Variants in PP2D1 observed in about 807,000 individuals in gnomAD.
The protein encoded by PP2D1 is protein phosphatase 2C like domain containing 1.
In PP2D1, 25 loss-of-function variants were observed where a neutral mutation model predicts 30.2. The ratio of observed to expected loss-of-function variants is 0.83; its 90% CI spans 0.60 to 1.16. The LOEUF (loss-of-function observed/expected upper bound fraction) is 1.16. Ranked by LOEUF, PP2D1 falls within the 50% of genes most tolerant of loss-of-function variation. The probability of loss-of-function intolerance (pLI) is 0.00; values close to 1 mark genes in which losing one functional copy is unlikely to be tolerated. For missense variants in PP2D1, 760 were observed against 742.4 expected (o/e 1.02, Z -0.28); for synonymous variants, 260 against 258.9 (o/e 1.00, Z -0.04).
chr3:19,981,387 T>C (rs148644386), downstream of PP2D1, among the ~76,000 whole-genome samples: 1 of 152,042 alleles, frequency 6.6e-6, no homozygotes, highest in African/African-American at 2.4e-5. Context: ...AGGCGGGCTA[T>C]CACCTGAGGT....
At chr3:20,005,231 C>CA in intron 1 of PP2D1, among the ~76,000 whole-genome samples, 1 of 152,146 alleles carries the variant, frequency 6.6e-6, no homozygotes, top group East Asian at 1.9e-4. Context: ...CGGCTCACCG[C>CA]AACCTCCACC....
At chr3:20,008,635 T>G (rs1348885549) in intron 1 of PP2D1, among the ~76,000 whole-genome samples, 1 of 151,974 alleles carries the variant, frequency 6.6e-6, no homozygotes, top group Non-Finnish European at 1.5e-5. Flanking sequence ...ACCTGTAATC[T>G]CAGCTACTCA....
intron 1 of PP2D1, 99 bp downstream of exon 1, chr3:20,011,951 G>A (rs1697393065): frequency 2.2e-6 from 2 of 915,836 alleles, no homozygotes; most frequent in Admixed American, 2.2e-5. Context: ...GGAAGCCAAG[G>A]TTTCATCTGA....
chr3:19,993,416 A>G (rs1408461814), intron 2 of PP2D1, among the ~76,000 whole-genome samples: 4 of 152,182 alleles, frequency 2.6e-5, no homozygotes, highest in African/African-American at 9.6e-5. Flanking sequence ...ACCTGAGACC[A>G]TGTATTGAGC....
chr3:19,988,255 C>T (rs1239395714), intron 2 of PP2D1, among the ~76,000 whole-genome samples: 1 of 152,154 alleles, frequency 6.6e-6, no homozygotes, highest in East Asian at 1.9e-4. Flanking sequence ...AAATACCGCT[C>T]AATTCTTTTT....
Position 20,003,542 on chromosome 3 carries a change from AG to A in PP2D1, c.24-1447del, listed in dbSNP as rs771150727. Among the ~76,000 whole-genome samples the A allele has an allele frequency of 2.6e-5, 4 of 152,152 alleles. No homozygotes were observed. In the East Asian group the frequency reaches 7.7e-4, roughly 29 times the overall value. On this transcript the variant is annotated intron_variant, in intron 1 of 2. Coordinates refer to ENST00000389050, the MANE Select transcript of PP2D1 (RefSeq NM_001252657.2). ...TGGATCACCTGAGGTCAGGAGTTCG[AG>A]ACCAGCCTGGCCAACATGGTGAAAC...
intron 2 of PP2D1, among the ~76,000 whole-genome samples, chr3:19,993,815 CT>C (rs1047231045): frequency 3.9e-5 from 6 of 152,170 alleles, no homozygotes; most frequent in African/African-American, 1.4e-4. Context: ...TCTCAGCTCA[CT>C]GCAACCTCTA....
Position 20,012,202 on chromosome 3 carries a change from G to T in PP2D1, c.-130C>A. 1.4e-6 allele frequency: 1 copy of T among 721,600 alleles called. No homozygotes were observed. Among genetic ancestry groups the T allele is most frequent in the Non-Finnish European group, 2.3e-6 (1 of 432,964 alleles). The allele number at this position is 721,600 out of a possible 1,614,324, so 44.7% of individuals were successfully genotyped here. The stretch of plus-strand genomic sequence containing the variant: ...TGATGGCTGTGGCAGAAGTAGTGGT[G>T]ATGGTGATGATAGCGATGGTGGGCA... On this transcript the variant is annotated 5_prime_UTR_variant, in exon 1 of 3. Coordinates refer to ENST00000389050, the MANE Select transcript of PP2D1 (RefSeq NM_001252657.2).
intron 1 of PP2D1, among the ~76,000 whole-genome samples, chr3:20,003,537 G>C (rs1476841305): frequency 1.3e-5 from 2 of 152,038 alleles, no homozygotes; most frequent in Non-Finnish European, 2.9e-5. Flanking sequence ...GAGGTCAGGA[G>C]TTCGAGACCA....
chr3:19,984,269 T>C, downstream of PP2D1: 1 of 430,832 alleles, frequency 2.3e-6, no homozygotes, highest in African/African-American at 2.1e-5. Flanking sequence ...GCCATAGTAT[T>C]CAGGCAAATG....
intron 1 of PP2D1, among the ~76,000 whole-genome samples, chr3:20,003,203 A>AG (rs1215387767): frequency 6.6e-6 from 1 of 151,986 alleles, no homozygotes; most frequent in Non-Finnish European, 1.5e-5. Flanking sequence ...TAAAAAAAAA[A>AG]TTAACTGTAA....
chr3:19,999,530 T>A (rs1329918755), intron 2 of PP2D1, among the ~76,000 whole-genome samples: 1 of 149,230 alleles, frequency 6.7e-6, no homozygotes, highest in Non-Finnish European at 1.5e-5. Flanking sequence ...TACAGGCACC[T>A]GCCACGCCTG....
intron 2 of PP2D1, among the ~76,000 whole-genome samples, chr3:19,988,983 CA>C (rs555027344): frequency 6.7e-6 from 1 of 148,258 alleles, no homozygotes; most frequent in African/African-American, 2.5e-5. Context: ...AAGACTCTCT[CA>C]AAAAAAAACA....
chr3:19,985,412 G>C lies in PP2D1; in HGVS notation c.1861C>G (p.Leu621Val). ...RDNITVMVIF[L>V]NGSEYQLLT is the part of the protein sequence containing the mutation. The stretch of plus-strand genomic sequence containing the variant: ...AGAAGCTGATATTCACTTCCATTGA[G>C]AAATATTACCATAACTGTAATGTTG... Residue 621 changes from leucine to valine, a missense_variant, in exon 3 of 3, where the codon CTC becomes GTC. Physicochemically the swap from Leu to Val is conservative, Grantham distance 32. Transcript: ENST00000389050. 4 of 1,533,430 alleles carry C rather than the reference G, an allele frequency of 2.6e-6. No individual in the cohort carries two copies. The highest frequency in any genetic ancestry group is 1.7e-4 in the Middle Eastern group (1 of 5,976). The allele number at this position is 1,533,430 out of a possible 1,614,324, so 95.0% of individuals were successfully genotyped here.
rs1183114778 is a variant in PP2D1, at chr3:20,008,566, TCAAAA to T, written c.23+3479_23+3483del. Among the ~76,000 whole-genome samples the T allele has an allele frequency of 2.6e-5, 4 of 151,998 alleles. No homozygotes were observed. In the South Asian group the frequency reaches 8.3e-4, roughly 32 times the overall value. ...CGGGCAACAAGAGTGAAACTCTGTC[TCAAAA>T]CAAACAAGACAACCAAACAAAAAAA... On this transcript the variant is annotated intron_variant, in intron 1 of 2. Coordinates refer to ENST00000389050, the MANE Select transcript of PP2D1 (RefSeq NM_001252657.2).
chr3:19,980,301 A>T (rs551322067), intron 3 of PP2D1: 3 of 152,220 alleles, frequency 2.0e-5, no homozygotes, highest in Non-Finnish European at 4.4e-5. Context: ...AAACATGCTA[A>T]TAAAGTCATT....
At chr3:19,993,705 A>G (rs1211636602) in intron 2 of PP2D1, among the ~76,000 whole-genome samples, 1 of 151,918 alleles carries the variant, frequency 6.6e-6, no homozygotes, top group Non-Finnish European at 1.5e-5. Flanking sequence ...GAGCCACTCT[A>G]CTCCAGTGTG....
At chr3:19,985,105 G>A (rs1697007756), downstream of PP2D1, 2 of 328,270 alleles carry the variant, frequency 6.1e-6, no homozygotes, top group South Asian at 1.2e-4. Flanking sequence ...TGCAGAATTA[G>A]GAAAACGGTT....
intron 1 of PP2D1, among the ~76,000 whole-genome samples, chr3:20,011,737 T>A (rs1180060907): frequency 6.6e-6 from 1 of 152,030 alleles, no homozygotes; most frequent in East Asian, 1.9e-4. Context: ...AAGCGGAGTT[T>A]GCAGTGAGCC....
Sources: allele counts gnomAD v4.1 joint callset (sites outside exome capture counted in the v4.1 genomes callset), GRCh38; gene constraint gnomAD v4.1.1; transcripts MANE v1.5; gene names NCBI Gene and HGNC (gene_info 2026-07-23, HGNC 2026-07-21).